SPATA13: variants seen among roughly 807,000 people sequenced by gnomAD.
The protein encoded by SPATA13 is spermatogenesis associated 13.
Under a neutral mutation model 104.0 loss-of-function variants are expected in SPATA13, and 50 were observed. That is an observed-to-expected ratio of 0.48 (90% CI 0.38 to 0.61). The LOEUF (loss-of-function observed/expected upper bound fraction) is 0.61, where lower values mean the gene tolerates loss of function less well. Among genes scored for constraint, SPATA13 ranks in the 20% least tolerant of loss-of-function variants. SPATA13 has a pLI of 0.00. For missense variants in SPATA13, 1,524 were observed against 1,690.6 expected (o/e 0.90, Z 1.73); for synonymous variants, 606 against 667.5 (o/e 0.91, Z 1.42).
chr13:24,043,494 ACC>A (rs999595755), intron 3 of SPATA13, among the ~76,000 whole-genome samples: 1 of 133,264 alleles, frequency 7.5e-6, no homozygotes, highest in African/African-American at 2.8e-5. Context: ...ACACACACAC[ACC>A]CATGAACACA....
At chr13:24,030,655 T>A (rs931509577) in intron 3 of SPATA13, among the ~76,000 whole-genome samples, 4 of 152,198 alleles carry the variant, frequency 2.6e-5, no homozygotes, top group Admixed American at 2.6e-4. Context: ...TTTCCCTGGA[T>A]TTATCTTATG....
intron 4 of SPATA13, among the ~76,000 whole-genome samples, chr13:24,254,747 C>T (rs1191010881): frequency 6.6e-6 from 1 of 152,202 alleles, no homozygotes; most frequent in Non-Finnish European, 1.5e-5. Flanking sequence ...GAGGGGAAGG[C>T]CCAGACTTCC....
At chr13:24,249,932 T>G (rs1873390300) in intron 3 of SPATA13, 90 bp downstream of exon 3, 9 of 1,484,150 alleles carry the variant, frequency 6.1e-6, no homozygotes, top group Non-Finnish European at 8.1e-6. Context: ...GATCTGCTTT[T>G]TCTCTCCCGT....
intron 3 of SPATA13, among the ~76,000 whole-genome samples, chr13:24,021,452 C>G (rs1276630741): frequency 2.6e-5 from 4 of 152,174 alleles, no homozygotes; most frequent in African/African-American, 9.7e-5. Context: ...ATGATTGTAC[C>G]ACTCTACTCC....
At chr13:24,277,336 C>T (rs1197996041) in intron 4 of SPATA13, among the ~76,000 whole-genome samples, 14 of 149,752 alleles carry the variant, frequency 9.3e-5, no homozygotes, top group Non-Finnish European at 1.8e-4. Context: ...CCCAGCTACT[C>T]GGGAGGCTGA....
chr13:24,141,585 A>G (rs1362157836), intron 3 of SPATA13, among the ~76,000 whole-genome samples: 1 of 152,190 alleles, frequency 6.6e-6, no homozygotes, highest in Non-Finnish European at 1.5e-5. Context: ...CCAGATAACA[A>G]TCACTAGGGC....
chr13:24,197,709 A>G (rs1031587432), intron 1 of SPATA13, among the ~76,000 whole-genome samples: 1 of 152,204 alleles, frequency 6.6e-6, no homozygotes, highest in Non-Finnish European at 1.5e-5. Context: ...CTTTGGTGTG[A>G]TATTGAAAGT....
chr13:24,223,670 G>A lies in SPATA13; in HGVS notation c.741G>A (p.Met247Ile), dbSNP rs779644791. 3 of 1,552,066 alleles carry A rather than the reference G, an allele frequency of 1.9e-6. No individual in the cohort carries two copies. The highest frequency in any genetic ancestry group is 1.2e-5 in the South Asian group (1 of 84,074). The stretch of plus-strand genomic sequence containing the variant: ...TGAGGGACCCTGAAAACAACAGCAT[G>A]GGCTACAGGAGGAGCAAGAGCACGG... ...ILVRDPENNS[M>I]GYRRSKSTDN... Residue 247 changes from methionine to isoleucine, a missense_variant, in exon 2 of 13, where the codon ATG becomes ATA. Physicochemically the swap from Met to Ile is conservative, Grantham distance 10. Around this residue, in one of 2 missense-constraint regions of SPATA13, gnomAD observed 1,089 missense variants for 1,135.9 expected, o/e 0.96. Transcript: ENST00000382108.
At chr13:24,164,022 A>G (rs1212966899) in intron 1 of SPATA13, among the ~76,000 whole-genome samples, 2 of 152,256 alleles carry the variant, frequency 1.3e-5, no homozygotes, top group African/African-American at 2.4e-5. Flanking sequence ...TATAAATTCA[A>G]ATGTTTTAGA....
At position 24,173,499 on chromosome 13, in the gene SPATA13, C is replaced by A. The variant is rs377038701; in HGVS notation, c.-112+12567C>A. Among the ~76,000 whole-genome samples the A allele has an allele frequency of 2.9e-3, 422 of 147,234 alleles. 2 individuals are homozygous for A. The highest frequency in any genetic ancestry group is 0.01 in the African/African-American group (413 of 39,376). ...CCCATCCATACGCCTTTTATTCCCC[C>A]CCGTCCCCCAACTTTTTTTTTTTTT... is the stretch of plus-strand genomic sequence containing the variant. On this transcript the variant is annotated intron_variant, in intron 1 of 12. Transcript: ENST00000382108.
At chr13:24,162,559 T>A (rs1472568337) in intron 1 of SPATA13, 1 of 155,604 alleles carries the variant, frequency 6.4e-6, no homozygotes, top group African/African-American at 2.4e-5. Flanking sequence ...TGCTTCTGAC[T>A]GATTGTTTTC....
At chr13:24,098,851 C>T (rs536277366) in intron 3 of SPATA13, among the ~76,000 whole-genome samples, 2 of 148,578 alleles carry the variant, frequency 1.3e-5, no homozygotes, top group East Asian at 2.0e-4. Flanking sequence ...TGCTTGAGCC[C>T]AGGAGGTGGA....
intron 3 of SPATA13, among the ~76,000 whole-genome samples, chr13:24,143,301 C>T (rs994871658): frequency 6.6e-6 from 1 of 152,144 alleles, no homozygotes; most frequent in Admixed American, 6.5e-5. Context: ...TGGGAGGGAA[C>T]CTACGTTGCC....
At chr13:24,175,087 T>A (rs1346872593) in intron 1 of SPATA13, among the ~76,000 whole-genome samples, 1 of 152,208 alleles carries the variant, frequency 6.6e-6, no homozygotes, top group Non-Finnish European at 1.5e-5. Context: ...TCCATCTTGA[T>A]ATATGTTCCC....
At chr13:24,251,974 C>G (rs572888040) in intron 4 of SPATA13, 112 bp downstream of exon 4, 1 of 1,372,124 alleles carries the variant, frequency 7.3e-7, no homozygotes, top group Admixed American at 2.5e-5. Flanking sequence ...GGCCAGGGCG[C>G]GTTTGTCTGG....
chr13:24,256,281 G>GA (rs144337583), intron 4 of SPATA13, among the ~76,000 whole-genome samples: 2,318 of 152,306 alleles, frequency 0.015, 56 homozygotes, highest in Admixed American at 0.046. Flanking sequence ...GTCCTACTGT[G>GA]CCACAGTTAA....
rs149093325 is a variant in SPATA13 at position 24,060,669 on chromosome 13, T to G, written c.-112+42968T>G. Among the ~76,000 whole-genome samples the G allele has an allele frequency of 4.6e-3, 691 of 151,036 alleles. 8 individuals carry two copies. Among genetic ancestry groups the G allele is most frequent in the African/African-American group, 0.016 (656 of 41,372 alleles). On this transcript the variant is annotated intron_variant, in intron 3 of 14. Transcript: ENST00000424834. ...AAAACCTACAGAATGGGAGAAAATATGTGCAAACTATGCCTCTGACAAAGG... is the reference window on the plus strand; with the variant it reads ...AAAACCTACAGAATGGGAGAAAATAGGTGCAAACTATGCCTCTGACAAAGG...
chr13:24,194,337 T>G (rs1869931637), intron 1 of SPATA13, among the ~76,000 whole-genome samples: 1 of 152,326 alleles, frequency 6.6e-6, no homozygotes, highest in South Asian at 2.1e-4. Context: ...TCAATCATCC[T>G]GAGATTGCTC....
intron 1 of SPATA13, among the ~76,000 whole-genome samples, chr13:23,980,564 A>G (rs1667619371): frequency 1.3e-5 from 2 of 152,218 alleles, no homozygotes; most frequent in Admixed American, 1.3e-4. Flanking sequence ...AGACATGAAC[A>G]AGAATAGTAC....
Sources: allele counts gnomAD v4.1 joint callset (sites outside exome capture counted in the v4.1 genomes callset), GRCh38; gene constraint gnomAD v4.1.1; regional missense constraint gnomAD v4.1.1; transcripts MANE v1.5; gene names NCBI Gene and HGNC (gene_info 2026-07-23, HGNC 2026-07-21).